Variants in AATK observed in about 807,000 individuals in gnomAD.
AATK encodes lemur tail kinase 1.
Under a neutral mutation model 114.3 loss-of-function variants are expected in AATK, and 91 were observed. The ratio of observed to expected loss-of-function variants is 0.80; its 90% CI spans 0.67 to 0.95. The LOEUF (loss-of-function observed/expected upper bound fraction) is 0.95. Ranked by LOEUF, AATK falls within the 40% of genes least tolerant of loss-of-function variation. The pLI, the probability that AATK is intolerant of heterozygous loss-of-function variation, is 0.00. For synonymous variants in AATK, 1,075 were observed against 916.5 expected (o/e 1.17, Z -3.12); for missense variants, 2,176 against 1,965.2 (o/e 1.11, Z -2.03).
intron 1 of AATK, among the ~76,000 whole-genome samples, chr17:81,139,388 G>T (rs966511809): frequency 6.6e-6 from 1 of 152,222 alleles, no homozygotes; most frequent in African/African-American, 2.4e-5. Context: ...ACGAGAAGGG[G>T]TACCTGGGAC....
At chr17:81,119,856 C>A (rs1319926034) in intron 12 of AATK, 80 bp downstream of exon 12, 2 of 1,381,934 alleles carry the variant, frequency 1.4e-6, no homozygotes, top group East Asian at 2.9e-5. Flanking sequence ...TGATGTCACA[C>A]ATTAGGCCCC....
intron 1 of AATK, among the ~76,000 whole-genome samples, chr17:81,142,204 C>T (rs979434913): frequency 2.6e-5 from 4 of 152,152 alleles, no homozygotes; most frequent in African/African-American, 7.2e-5. Flanking sequence ...GGTGATCCAC[C>T]CACCTTGGCC....
At position 81,118,443 on chromosome 17, in the gene AATK, C is replaced by CG; in HGVS notation, c.4085-2_4085-1insC. On this transcript the variant is annotated splice_acceptor_variant, in intron 13 of 13. Coordinates refer to ENST00000326724, the MANE Select transcript of AATK (RefSeq NM_001080395.3). LOFTEE classifies it high-confidence loss of function. The stretch of plus-strand genomic sequence containing the variant: ...TCACCCCCGGCACCAGCTTCAGGTC[C>CG]TGGCAAGCAGGACAACAAAGTGAAC... 1 of 1,606,542 alleles carries CG rather than the reference C, an allele frequency of 6.2e-7. No individual in the cohort carries two copies. The highest frequency in any genetic ancestry group is 8.5e-7 in the Non-Finnish European group (1 of 1,177,378).
rs564613207 is a variant in AATK at position 81,130,711 on chromosome 17, G to A, written c.334+350C>T. The stretch of plus-strand genomic sequence containing the variant: ...GGCCATGTCCAGGACCAGAGAGCCC[G>A]CACCCCTGCCCCAGTGCCCACCCCT... On this transcript the variant is annotated intron_variant, in intron 3 of 13. Transcript: ENST00000326724. Among the ~76,000 whole-genome samples the A allele has an allele frequency of 1.3e-3, 204 of 152,064 alleles. 1 individual carries two copies. The highest frequency in any genetic ancestry group is 4.8e-3 in the African/African-American group (198 of 41,454).
intron 1 of AATK, 57 bp downstream of exon 1, chr17:81,165,881 A>G (rs896426678): frequency 1.1e-4 from 167 of 1,548,826 alleles, no homozygotes; most frequent in Admixed American, 7.5e-4. Context: ...GCCCAGGGGC[A>G]TCACGTCCGC....
At chr17:81,138,122 AC>A (rs1250068965) in intron 1 of AATK, among the ~76,000 whole-genome samples, 4 of 138,172 alleles carry the variant, frequency 2.9e-5, no homozygotes, top group African/African-American at 8.4e-5. Flanking sequence ...ACACAGACAT[AC>A]CCCACACACA....
intron 13 of AATK, 113 bp downstream of exon 13, chr17:81,119,267 G>GGAGCC: frequency 9.5e-7 from 1 of 1,054,866 alleles, no homozygotes; most frequent in Non-Finnish European, 1.3e-6. Flanking sequence ...GGAGCGGAGC[G>GGAGCC]GAGCGGAGCC....
At chr17:81,138,406 C>T (rs375988382) in intron 1 of AATK, among the ~76,000 whole-genome samples, 1 of 148,982 alleles carries the variant, frequency 6.7e-6, no homozygotes, top group Non-Finnish European at 1.5e-5. Flanking sequence ...CACCCCCACA[C>T]GTGCGTGCAC....
At chr17:81,138,646 C>T in intron 1 of AATK, among the ~76,000 whole-genome samples, 1 of 101,676 alleles carries the variant, frequency 9.8e-6, no homozygotes, top group South Asian at 3.2e-4. Flanking sequence ...CACACATCCA[C>T]ACATACCCAC....
intron 1 of AATK, among the ~76,000 whole-genome samples, chr17:81,157,800 G>T (rs1389527846): frequency 6.6e-6 from 1 of 152,222 alleles, no homozygotes; most frequent in Non-Finnish European, 1.5e-5. Context: ...CAAGGGGCAG[G>T]CAGCTCCAGC....
chr17:81,124,594 G>T, intron 9 of AATK, 133 bp downstream of exon 9: 1 of 1,449,400 alleles, frequency 6.9e-7, no homozygotes, highest in South Asian at 1.4e-5. Flanking sequence ...CAGCCACTTG[G>T]GCTGCTGGCG....
At chr17:81,165,908 G>T (rs376056569) in intron 1 of AATK, 30 bp downstream of exon 1, 18 of 1,565,062 alleles carry the variant, frequency 1.2e-5, no homozygotes, top group Admixed American at 1.9e-5. Flanking sequence ...GGGAGGCAGC[G>T]GCGCGCAGGC....
Position 81,124,957 on chromosome 17 carries a change from G to A in AATK, c.813C>T (p.Asp271=). The change falls in exon 8 of 14, where the codon GAC becomes GAT. Residue 271 remains aspartate (D), a synonymous_variant. Coordinates refer to ENST00000326724, the MANE Select transcript of AATK (RefSeq NM_001080395.3). ...LTADLTVKIG[D]YGLAHCKYRE... is the part of the protein sequence containing the mutation. ...TGTACTTGCAGTGAGCCAGGCCATAGTCACCAATCTTCACCGTCAGGTCAG... is the reference window on the plus strand; with the variant it reads ...TGTACTTGCAGTGAGCCAGGCCATAATCACCAATCTTCACCGTCAGGTCAG... The A allele has an allele frequency of 6.3e-7, 1 of 1,579,424 alleles. No homozygotes were observed.
In AATK at chr17:81,117,799, C is replaced by T. The variant is rs1359968499; in HGVS notation, c.*603G>A. 1 of 152,332 alleles carries T rather than the reference C, an allele frequency of 6.6e-6. No individual in the cohort carries two copies. Among genetic ancestry groups the T allele is most frequent in the Non-Finnish European group, 1.5e-5 (1 of 68,126 alleles). 9.4% of individuals were successfully genotyped at this position (152,332 alleles called of 1,614,324 possible). ...GCCTGTTCCCTGTGGGAAGGGTGGG[C>T]TTACGGGTCTAGCTGAGTCAGTGAA... On this transcript the variant is annotated 3_prime_UTR_variant, in exon 14 of 14. Coordinates refer to ENST00000326724, the MANE Select transcript of AATK (RefSeq NM_001080395.3).
intron 1 of AATK, among the ~76,000 whole-genome samples, chr17:81,160,522 T>C (rs1363535624): frequency 3.9e-5 from 6 of 152,216 alleles, no homozygotes; most frequent in Non-Finnish European, 4.4e-5. Context: ...CCGCGGGCGC[T>C]TGTTCCTCTG....
chr17:81,124,617 AGGTGGCTCC>A, intron 9 of AATK, 101 bp downstream of exon 9: 1 of 1,523,456 alleles, frequency 6.6e-7, no homozygotes, highest in Non-Finnish European at 8.8e-7. Context: ...TGGCCACTAC[AGGTGGCTCC>A]GGCAGCCCCC....
At position 81,126,133 on chromosome 17, in the gene AATK, T is replaced by A. The variant is rs62073024; in HGVS notation, c.755+294A>T. Among the ~76,000 whole-genome samples the A allele has an allele frequency of 0.066, 9,965 of 152,124 alleles. 360 individuals carry two copies. The highest frequency in any genetic ancestry group is 0.11 in the South Asian group (548 of 4,826). On this transcript the variant is annotated intron_variant, in intron 7 of 13. Transcript: ENST00000326724. This position sits in a 1 kb window ranked among gnomAD's most constrained non-coding sequence, Gnocchi z 5.1. ...CCCAAAGCGAGGGCTTAGCAGAGTGTGGGGTTGGCGCGGGGCTGCAGGGTG... is the reference window on the plus strand; with the variant it reads ...CCCAAAGCGAGGGCTTAGCAGAGTGAGGGGTTGGCGCGGGGCTGCAGGGTG...
chr17:81,136,714 C>G (rs2061015835), intron 1 of AATK, among the ~76,000 whole-genome samples: 2 of 152,204 alleles, frequency 1.3e-5, no homozygotes, highest in Admixed American at 1.3e-4. Flanking sequence ...GCAGGGGCAC[C>G]AGGCAGGCCT....
rs1445191397 is a variant in AATK, at chr17:81,165,568, T to C, written c.55+370A>G. 6 of 1,194,740 alleles carry C rather than the reference T, an allele frequency of 5.0e-6. No homozygotes were observed. The Admixed American group carries it at 6.7e-5, about 13-fold the overall frequency. The allele number at this position is 1,194,740 out of a possible 1,614,324, so 74.0% of individuals were successfully genotyped here. A position where few individuals can be genotyped will look rare whatever the true frequency, so the allele number is the denominator to read the frequency against. ...AGGGCCCCGGACCCAGGAGAGGCCA[T>C]GGAAAGCCTGAACCCCAGCTGGCTG... On this transcript the variant is annotated intron_variant, in intron 1 of 13. Transcript: ENST00000326724.
Sources: allele counts gnomAD v4.1 joint callset (sites outside exome capture counted in the v4.1 genomes callset), GRCh38; gene constraint gnomAD v4.1.1; non-coding constraint Gnocchi (gnomAD v3.1); transcripts MANE v1.5; gene names NCBI Gene and HGNC (gene_info 2026-07-23, HGNC 2026-07-21).